Variants in CSMD1 observed in about 807,000 individuals in gnomAD.
CSMD1 encodes CUB and sushi domain-containing protein 1.
A neutral mutation model predicts 417.5 loss-of-function variants in CSMD1; 213 were observed. That is an observed-to-expected ratio of 0.51 (90% confidence interval 0.46 to 0.57). CSMD1 has a LOEUF of 0.57. Ranked by LOEUF, CSMD1 falls within the 20% of genes least tolerant of loss-of-function variation. The pLI is 0.00. For missense variants in CSMD1, 6,923 were observed against 4,529.7 expected (o/e 1.53, Z -15.17); for synonymous variants, 2,862 against 1,736.8 (o/e 1.65, Z -16.11).
intron 1 of CSMD1, among the ~76,000 whole-genome samples, chr8:4,923,710 G>C (rs569678152): frequency 1.3e-5 from 2 of 152,130 alleles, no homozygotes; most frequent in East Asian, 1.9e-4. Context: ...TCAGTGCTTG[G>C]GAGTTAGCAT....
intron 5 of CSMD1, among the ~76,000 whole-genome samples, chr8:3,767,450 G>A (rs745579370): frequency 1.3e-5 from 2 of 152,182 alleles, no homozygotes; most frequent in Non-Finnish European, 2.9e-5. Context: ...TGCTACTGCA[G>A]ACTGCAAGCT....
intron 5 of CSMD1, among the ~76,000 whole-genome samples, chr8:3,956,092 G>A (rs774463949): frequency 6.6e-6 from 1 of 152,160 alleles, no homozygotes; most frequent in Non-Finnish European, 1.5e-5. Context: ...CACCGTGCTC[G>A]GCCAGGTTTC....
intron 12 of CSMD1, among the ~76,000 whole-genome samples, 153 bp from the exon 13 acceptor site, chr8:3,409,758 T>G (rs376016988): frequency 6.6e-6 from 1 of 152,222 alleles, no homozygotes; most frequent in African/African-American, 2.4e-5. Flanking sequence ...TGATCTTAAA[T>G]TTAATTTCAA....
At chr8:4,827,005 A>G (rs1191095780) in intron 1 of CSMD1, among the ~76,000 whole-genome samples, 2 of 152,100 alleles carry the variant, frequency 1.3e-5, no homozygotes, top group Non-Finnish European at 1.5e-5. Context: ...TTGCTTGCCT[A>G]TCTTCCATGG....
At chr8:4,647,411 C>T (rs1242935517) in intron 1 of CSMD1, among the ~76,000 whole-genome samples, 1 of 145,910 alleles carries the variant, frequency 6.9e-6, no homozygotes, top group Non-Finnish European at 1.5e-5. Context: ...TAGGTAGGTA[C>T]GCGTGTGCCA....
chr8:4,537,569 T>C (rs1311539360), intron 2 of CSMD1, among the ~76,000 whole-genome samples: 2 of 152,186 alleles, frequency 1.3e-5, no homozygotes, highest in Non-Finnish European at 2.9e-5. Flanking sequence ...GTTGAAAACT[T>C]GCTGAACATT....
intron 26 of CSMD1, among the ~76,000 whole-genome samples, chr8:3,272,474 A>G (rs1055991162): frequency 6.7e-6 from 1 of 149,106 alleles, no homozygotes; most frequent in African/African-American, 2.5e-5. Context: ...GAAGAAAGTC[A>G]TTGGTAACTT....
chr8:3,271,390 C>T (rs966003034), intron 26 of CSMD1, among the ~76,000 whole-genome samples: 7 of 151,856 alleles, frequency 4.6e-5, no homozygotes, highest in African/African-American at 1.5e-4. Flanking sequence ...AATAAACATA[C>T]GTGTACATGT....
At chr8:4,876,650 C>T (rs989125323) in intron 1 of CSMD1, among the ~76,000 whole-genome samples, 2 of 152,004 alleles carry the variant, frequency 1.3e-5, no homozygotes, top group African/African-American at 2.4e-5. Context: ...AAGCACAATG[C>T]AATGTGTTGT....
At chr8:4,202,921 G>T (rs536253206) in intron 3 of CSMD1, among the ~76,000 whole-genome samples, 1 of 152,122 alleles carries the variant, frequency 6.6e-6, no homozygotes, top group Non-Finnish European at 1.5e-5. Context: ...CCTGGAGTGA[G>T]GAGAGATGTT....
chr8:3,760,600 T>C (rs1248729166), intron 5 of CSMD1, among the ~76,000 whole-genome samples: 1 of 152,262 alleles, frequency 6.6e-6, no homozygotes, highest in African/African-American at 2.4e-5. Flanking sequence ...TCTGTATGTA[T>C]GACTCATGCA....
chr8:3,261,794 G>T (rs538493383), intron 26 of CSMD1, among the ~76,000 whole-genome samples: 3 of 152,182 alleles, frequency 2.0e-5, no homozygotes, highest in African/African-American at 4.8e-5. Context: ...TTTGTGAAAT[G>T]ATCAAAAGTC....
In CSMD1 at chr8:4,179,588, TA is replaced by T. The variant is rs1342157468; in HGVS notation, c.416-147490del. 1.9e-4 allele frequency among the ~76,000 whole-genome samples: 29 copies of T among 151,452 alleles called. 1 individual carries two copies. Among genetic ancestry groups the T allele is most frequent in the African/African-American group, 6.1e-4 (25 of 41,160 alleles). On this transcript the variant is annotated intron_variant, in intron 3 of 69. Transcript: ENST00000635120. ...ACAAAATTGACAAATGGAATCTAAT[TA>T]AACTATAGAGCTTCTGCACAGCAAA...
chr8:3,856,018 A>G (rs1206345857), intron 5 of CSMD1, among the ~76,000 whole-genome samples: 2 of 152,070 alleles, frequency 1.3e-5, no homozygotes, highest in Non-Finnish European at 2.9e-5. Flanking sequence ...TTATATCTAG[A>G]CAAACATTAC....
chr8:2,941,712 C>G (rs962466649), intron 69 of CSMD1, among the ~76,000 whole-genome samples: 7 of 152,174 alleles, frequency 4.6e-5, no homozygotes, highest in Admixed American at 2.0e-4. Context: ...AACACTTTTT[C>G]AAGAGATGGA....
intron 5 of CSMD1, among the ~76,000 whole-genome samples, chr8:3,782,188 G>GA (rs1225685777): frequency 3.9e-5 from 6 of 152,160 alleles, no homozygotes; most frequent in African/African-American, 1.2e-4. Context: ...CATGTCACAT[G>GA]AAAAGCAAAT....
intron 26 of CSMD1, among the ~76,000 whole-genome samples, chr8:3,275,344 C>G (rs1427788739): frequency 2.6e-5 from 4 of 152,120 alleles, no homozygotes; most frequent in South Asian, 2.1e-4. Context: ...CAACCTTTCT[C>G]TCTGGCTGCC....
At chr8:3,514,228 G>T (rs1321832759) in intron 10 of CSMD1, among the ~76,000 whole-genome samples, 1 of 152,054 alleles carries the variant, frequency 6.6e-6, no homozygotes, top group Non-Finnish European at 1.5e-5. Flanking sequence ...AATAAGACCG[G>T]CTTTCTTAGA....
At chr8:4,446,358 G>C (rs1798788443) in intron 2 of CSMD1, among the ~76,000 whole-genome samples, 4 of 152,038 alleles carry the variant, frequency 2.6e-5, no homozygotes, top group Admixed American at 2.6e-4. Context: ...AACCAGCCTG[G>C]GCAACATGGC....
Sources: gnomAD v4.1 joint callset for allele counts (sites outside exome capture counted in the v4.1 genomes callset) on GRCh38, gnomAD v4.1.1 for gene constraint, MANE v1.5 for transcripts, NCBI Gene and HGNC (gene_info 2026-07-23, HGNC 2026-07-21) for gene names.